EFL1: variants seen among roughly 807,000 people sequenced by gnomAD.
The protein encoded by EFL1 is elongation factor like GTPase 1.
EFL1 carries 76 observed loss-of-function variants against 126.7 expected under a neutral mutation model. The observed-to-expected ratio is 0.60, with a 90% CI of 0.50 to 0.73. The LOEUF (loss-of-function observed/expected upper bound fraction) is 0.73. Among genes scored for constraint, EFL1 ranks in the 30% least tolerant of loss-of-function variants. The pLI is 0.00. For synonymous variants in EFL1, 410 were observed against 448.4 expected (o/e 0.91, Z 1.08); for missense variants, 1,128 against 1,343.2 (o/e 0.84, Z 2.50).
At chr15:82,230,709 A>T (rs1239377001) in intron 8 of EFL1, 139 bp downstream of exon 8, 2 of 983,904 alleles carry the variant, frequency 2.0e-6, no homozygotes, top group Non-Finnish European at 2.8e-6. Flanking sequence ...AGCCTTTCCC[A>T]ATTATATACA....
intron 17 of EFL1, among the ~76,000 whole-genome samples, chr15:82,153,167 T>C (rs1310787952): frequency 6.6e-6 from 1 of 152,228 alleles, no homozygotes; most frequent in East Asian, 1.9e-4. Context: ...AAGCTACTCT[T>C]CTGGACATCA....
chr15:82,189,383 T>C (rs935930985), intron 15 of EFL1, among the ~76,000 whole-genome samples: 1 of 152,186 alleles, frequency 6.6e-6, no homozygotes, highest in Admixed American at 6.5e-5. Context: ...TCCCTACCCA[T>C]ATGGAGCTTA....
chr15:82,213,519 G>C (rs1456910806), intron 15 of EFL1, among the ~76,000 whole-genome samples: 1 of 152,160 alleles, frequency 6.6e-6, no homozygotes, highest in Non-Finnish European at 1.5e-5. Context: ...GCATGCCACA[G>C]TCTCATCCTC....
chr15:82,190,838 T>C (rs2074352027), intron 15 of EFL1, among the ~76,000 whole-genome samples: 1 of 152,194 alleles, frequency 6.6e-6, no homozygotes, highest in African/African-American at 2.4e-5. Flanking sequence ...TATATGTGTA[T>C]ATATACAGAT....
In EFL1 at chr15:82,156,103, C is replaced by T. The variant is rs193302249; in HGVS notation, c.2030+1610G>A. Among the ~76,000 whole-genome samples the T allele has an allele frequency of 1.9e-3, 291 of 152,256 alleles. 3 individuals carry two copies. Among genetic ancestry groups the T allele is most frequent in the Non-Finnish European group, 1.0e-3 (71 of 68,008 alleles). ...GTGCTCTTAACATGCTATTAAGAAGCTTTTTGCCACCCTGAGGTCTTGAAG... is the reference window on the plus strand; with the variant it reads ...GTGCTCTTAACATGCTATTAAGAAGTTTTTTGCCACCCTGAGGTCTTGAAG... On this transcript the variant is annotated intron_variant, in intron 17 of 19. Coordinates refer to ENST00000268206, the MANE Select transcript of EFL1 (RefSeq NM_024580.6).
chr15:82,241,405 T>G lies in EFL1; in HGVS notation c.245-2A>C. 6.2e-7 allele frequency: 1 copy of G among 1,612,168 alleles called. No individual in the cohort carries two copies. The highest frequency in any genetic ancestry group is 8.5e-7 in the Non-Finnish European group (1 of 1,178,848). On this transcript the variant is annotated splice_acceptor_variant, in intron 4 of 19. Coordinates refer to ENST00000268206, the MANE Select transcript of EFL1 (RefSeq NM_024580.6). LOFTEE classifies it high-confidence loss of function. ...GATTGATCAGGTACTCCTCATTACC[T>G]AAAATACAATTTGTAAACACACATT...
chr15:82,228,067 T>G (rs1450402674), intron 10 of EFL1, 124 bp downstream of exon 10: 69 of 1,213,744 alleles, frequency 5.7e-5, no homozygotes, highest in Non-Finnish European at 7.4e-5. Context: ...GAACACTAAA[T>G]AAGCAGAGAA....
At chr15:82,130,628 C>G in intron 19 of EFL1, 67 bp from the exon 20 acceptor site, 2 of 1,532,848 alleles carry the variant, frequency 1.3e-6, no homozygotes, top group Non-Finnish European at 1.8e-6. Flanking sequence ...ATTCACTGAG[C>G]TCCCCAATTT....
At chr15:82,172,157 T>C (rs1176869455) in intron 15 of EFL1, among the ~76,000 whole-genome samples, 6 of 151,976 alleles carry the variant, frequency 3.9e-5, no homozygotes, top group Non-Finnish European at 7.4e-5. Flanking sequence ...CCAATACAAC[T>C]GGTATAAGTC....
intron 14 of EFL1, 121 bp downstream of exon 14, chr15:82,219,531 A>T (rs1181100965): frequency 1.8e-5 from 19 of 1,058,982 alleles, no homozygotes; most frequent in Middle Eastern, 2.4e-4. Flanking sequence ...CAGTCACTCA[A>T]GTGTGCCTTT....
At chr15:82,155,011 C>T (rs922711516) in intron 17 of EFL1, among the ~76,000 whole-genome samples, 13 of 152,200 alleles carry the variant, frequency 8.5e-5, no homozygotes, top group African/African-American at 1.2e-4. Context: ...TAAATACAAA[C>T]AAACACTTTT....
chr15:82,162,652 A>T lies in EFL1; in HGVS notation c.1882+1201T>A, dbSNP rs1270491450. On this transcript the variant is annotated intron_variant, in intron 16 of 19. Transcript: ENST00000268206. Reference sequence around the variant, plus strand: ...CAGTCCACAGTGACAGCCCACAAAAAATTCCTATCTCGAGGCTGAAGGCAG... The same window carrying T: ...CAGTCCACAGTGACAGCCCACAAAATATTCCTATCTCGAGGCTGAAGGCAG... Among the ~76,000 whole-genome samples the T allele has an allele frequency of 7.2e-5, 11 of 152,282 alleles. No individual in the cohort carries two copies. In the East Asian group the frequency reaches 1.7e-3, roughly 24 times the overall value.
chr15:82,167,682 T>C (rs2074093883), intron 15 of EFL1, among the ~76,000 whole-genome samples: 1 of 152,194 alleles, frequency 6.6e-6, no homozygotes, highest in African/African-American at 2.4e-5. Context: ...CATTAGTGAA[T>C]ACTAACACTG....
chr15:82,250,479 G>A (rs1038511107), intron 4 of EFL1, among the ~76,000 whole-genome samples: 2 of 137,018 alleles, frequency 1.5e-5, no homozygotes, highest in South Asian at 2.7e-4. Flanking sequence ...GCCGCATCCT[G>A]CTCTTGAGCC....
At chr15:82,189,454 C>T (rs1172231685) in intron 15 of EFL1, among the ~76,000 whole-genome samples, 1 of 152,212 alleles carries the variant, frequency 6.6e-6, no homozygotes, top group Non-Finnish European at 1.5e-5. Context: ...CTCTCAAATT[C>T]TGCAGCCAAG....
intron 7 of EFL1, among the ~76,000 whole-genome samples, chr15:82,233,019 A>T (rs1215214055): frequency 1.3e-5 from 2 of 152,154 alleles, no homozygotes; most frequent in Non-Finnish European, 1.5e-5. Context: ...AAACTTAAAG[A>T]TTTTTATAAA....
At chr15:82,143,475 T>C (rs1451058496) in intron 18 of EFL1, among the ~76,000 whole-genome samples, 1 of 152,194 alleles carries the variant, frequency 6.6e-6, no homozygotes, top group Non-Finnish European at 1.5e-5. Context: ...AAAACACACA[T>C]ACAAATAAAT....
intron 17 of EFL1, among the ~76,000 whole-genome samples, chr15:82,157,168 G>A (rs1263528246): frequency 6.6e-6 from 1 of 152,128 alleles, no homozygotes; most frequent in Non-Finnish European, 1.5e-5. Context: ...GGTTATTTCT[G>A]CATGATAACT....
At chr15:82,147,669 T>G in intron 18 of EFL1, among the ~76,000 whole-genome samples, 1 of 118,978 alleles carries the variant, frequency 8.4e-6, no homozygotes, top group Non-Finnish European at 1.8e-5. Context: ...TTCAAACACA[T>G]AGAGGGACAG....
Sources: gnomAD v4.1 joint callset for allele counts (sites outside exome capture counted in the v4.1 genomes callset) on GRCh38, gnomAD v4.1.1 for gene constraint, MANE v1.5 for transcripts, NCBI Gene and HGNC (gene_info 2026-07-23, HGNC 2026-07-21) for gene names.